Variants in MKLN1 observed in about 807,000 individuals in gnomAD.
MKLN1 encodes muskelin 1.
A neutral mutation model predicts 99.0 loss-of-function variants in MKLN1; 18 were observed. The ratio of observed to expected loss-of-function variants is 0.18; its 90% CI spans 0.13 to 0.27. The LOEUF (loss-of-function observed/expected upper bound fraction) is 0.27, where lower values mean the gene tolerates loss of function less well. Among genes scored for constraint, MKLN1 ranks in the 10% least tolerant of loss-of-function variants. MKLN1 has a pLI of 1.00. For missense variants in MKLN1, 621 were observed against 875.9 expected (o/e 0.71, Z 3.67); for synonymous variants, 288 against 293.2 (o/e 0.98, Z 0.18).
In MKLN1 at chr7:131,251,335, G is replaced by A. The variant is rs548992382; in HGVS notation, c.-179+48361G>A. On this transcript the variant is annotated intron_variant, in intron 3 of 7. Coordinates refer to the MKLN1 transcript ENST00000416992. ...AACAACACTGCCTACCGGGCAGGGTGATGTTTTGGTTGCTGCACATAAGAA... is the reference window on the plus strand; with the variant it reads ...AACAACACTGCCTACCGGGCAGGGTAATGTTTTGGTTGCTGCACATAAGAA... 5.3e-5 allele frequency among the ~76,000 whole-genome samples: 8 copies of A among 152,310 alleles called. No homozygotes were observed. In the South Asian group the frequency reaches 1.7e-3, roughly 32 times the overall value.
chr7:131,145,117 C>T (rs1205234198), intron 2 of MKLN1, among the ~76,000 whole-genome samples: 1 of 152,094 alleles, frequency 6.6e-6, no homozygotes, highest in Non-Finnish European at 1.5e-5. Context: ...ACATTGATGG[C>T]CTGCCGAACA....
chr7:131,422,946 A>G (rs1795250782), intron 8 of MKLN1, among the ~76,000 whole-genome samples: 1 of 152,182 alleles, frequency 6.6e-6, no homozygotes, highest in Admixed American at 6.5e-5. Context: ...TGTAATCCCT[A>G]TACCTGGCAC....
intron 1 of MKLN1, among the ~76,000 whole-genome samples, chr7:131,140,853 C>T (rs1795721147): frequency 6.6e-6 from 1 of 151,714 alleles, no homozygotes; most frequent in South Asian, 2.1e-4. Flanking sequence ...GATCTTGGCT[C>T]ACTGCAATCT....
chr7:131,300,398 G>T (rs1029985472), intron 3 of MKLN1, among the ~76,000 whole-genome samples: 1 of 151,974 alleles, frequency 6.6e-6, no homozygotes, highest in East Asian at 1.9e-4. Context: ...GATCAATGTG[G>T]GGCTGGGGGT....
intron 2 of MKLN1, among the ~76,000 whole-genome samples, chr7:131,144,684 G>A (rs1006927995): frequency 6.6e-6 from 1 of 151,334 alleles, no homozygotes; most frequent in South Asian, 2.1e-4. Flanking sequence ...TCTTTTTAAA[G>A]AGGCTGATGC....
intron 3 of MKLN1, among the ~76,000 whole-genome samples, chr7:131,290,292 G>C (rs1798198274): frequency 6.6e-6 from 1 of 152,188 alleles, no homozygotes; most frequent in Non-Finnish European, 1.5e-5. Context: ...GGCAACAAGA[G>C]TGAAATTCCG....
intron 2 of MKLN1, among the ~76,000 whole-genome samples, chr7:131,198,092 G>C (rs922480739): frequency 2.6e-5 from 4 of 152,146 alleles, no homozygotes; most frequent in Admixed American, 6.6e-5. Context: ...ACACTTAGAA[G>C]GTTTTATTGG....
chr7:131,207,623 G>A (rs1441325442), intron 3 of MKLN1, among the ~76,000 whole-genome samples: 1 of 152,140 alleles, frequency 6.6e-6, no homozygotes, highest in Non-Finnish European at 1.5e-5. Context: ...TTTGCTGCAC[G>A]GTTTCAATGT....
chr7:131,351,428 A>G (rs1799716620), intron 1 of MKLN1, among the ~76,000 whole-genome samples: 2 of 151,982 alleles, frequency 1.3e-5, no homozygotes, highest in South Asian at 4.1e-4. Flanking sequence ...CTTTATATAT[A>G]CTGGGAGTTA....
chr7:131,366,968 A>G (rs950178417), intron 1 of MKLN1, among the ~76,000 whole-genome samples: 1 of 152,236 alleles, frequency 6.6e-6, no homozygotes, highest in African/African-American at 2.4e-5. Flanking sequence ...ATCGTTTGTT[A>G]CTGACATTTA....
chr7:131,156,447 CA>C lies in MKLN1; in HGVS notation c.-297+13529del, dbSNP rs143988738. ...TGGGTGACAGAGCAAGACTCTGTCT[CA>C]AAAAAAAAAAAAAAAAAAAAAAGAA... is the stretch of plus-strand genomic sequence containing the variant. On this transcript the variant is annotated intron_variant, in intron 2 of 7. Coordinates refer to the MKLN1 transcript ENST00000416992. Among the ~76,000 whole-genome samples, 113 of 74,676 alleles carry C rather than the reference CA, an allele frequency of 1.5e-3. No individual in the cohort carries two copies. The East Asian group carries it at 0.016, about 11-fold the overall frequency. The allele number at this position is 74,676 out of a possible 152,430, so 49.0% of individuals were successfully genotyped here.
In MKLN1 at chr7:131,413,344, A is replaced by G. The variant is rs147200648; in HGVS notation, c.782-1301A>G. ...AAGAACTGACATTTCAGTCATTTTCATAGCACCCTTGTAAAATTAGTATAA... is the reference window on the plus strand; with the variant it reads ...AAGAACTGACATTTCAGTCATTTTCGTAGCACCCTTGTAAAATTAGTATAA... On this transcript the variant is annotated intron_variant, in intron 7 of 17. Transcript: ENST00000352689. Among the ~76,000 whole-genome samples the G allele has an allele frequency of 5.9e-5, 9 of 152,330 alleles. No homozygotes were observed. The East Asian group carries it at 1.2e-3, about 20-fold the overall frequency.
intron 2 of MKLN1, among the ~76,000 whole-genome samples, chr7:131,178,466 A>G (rs1796333913): frequency 6.6e-6 from 1 of 151,766 alleles, no homozygotes; most frequent in African/African-American, 2.4e-5. Context: ...AAGGAGATGG[A>G]AAAATTAACT....
At chr7:131,394,449 C>G (rs1215060900) in intron 4 of MKLN1, among the ~76,000 whole-genome samples, 1 of 152,012 alleles carries the variant, frequency 6.6e-6, no homozygotes, top group Non-Finnish European at 1.5e-5. Context: ...GAGTGCACAA[C>G]TTAGATCCCT....
chr7:131,466,904 TACACACAC>T (rs907079191), intron 15 of MKLN1, among the ~76,000 whole-genome samples: 3 of 150,678 alleles, frequency 2.0e-5, no homozygotes, highest in African/African-American at 4.9e-5. Context: ...TATATACATA[TACACACAC>T]ACACACACAC....
intron 1 of MKLN1, among the ~76,000 whole-genome samples, chr7:131,117,538 C>G (rs557036523): frequency 1.6e-4 from 24 of 152,108 alleles, no homozygotes; most frequent in African/African-American, 4.8e-4. Context: ...TCTAGGCATA[C>G]TTATGTGAAA....
intron 1 of MKLN1, among the ~76,000 whole-genome samples, chr7:131,334,257 G>A (rs1225538081): frequency 6.6e-6 from 1 of 152,172 alleles, no homozygotes; most frequent in African/African-American, 2.4e-5. Context: ...TTGGAGGCAT[G>A]CAACTCCCAG....
At chr7:131,343,084 T>A (rs2116733407) in intron 1 of MKLN1, among the ~76,000 whole-genome samples, 1 of 152,362 alleles carries the variant, frequency 6.6e-6, no homozygotes, top group African/African-American at 2.4e-5. Context: ...GAATTGCGCT[T>A]CCACTGTTGG....
chr7:131,451,296 A>T (rs554573943), intron 12 of MKLN1, among the ~76,000 whole-genome samples: 43 of 152,026 alleles, frequency 2.8e-4, no homozygotes, highest in Non-Finnish European at 6.2e-4. Context: ...GTAATTTGAG[A>T]TGGACTTAAC....
Sources: gnomAD v4.1 joint callset for allele counts (sites outside exome capture counted in the v4.1 genomes callset) on GRCh38, gnomAD v4.1.1 for gene constraint, MANE v1.5 for transcripts, NCBI Gene and HGNC (gene_info 2026-07-23, HGNC 2026-07-21) for gene names.